The following PPARGC1A variants were observed in gnomAD, a reference collection of about 807,000 sequenced individuals.
The protein encoded by PPARGC1A is PPARG coactivator 1 alpha, also known as peroxisome proliferator-activated receptor gamma coactivator 1-alpha.
PPARGC1A carries 25 observed loss-of-function variants against 88.7 expected under a neutral mutation model. The observed-to-expected ratio is 0.28, with a 90% CI of 0.21 to 0.39. The LOEUF is 0.39. Among genes scored for constraint, PPARGC1A ranks in the 10% least tolerant of loss-of-function variants. PPARGC1A has a pLI of 1.00. For synonymous variants in PPARGC1A, 363 were observed against 355.6 expected (o/e 1.02, Z -0.24); for missense variants, 880 against 968.7 (o/e 0.91, Z 1.22).
the PPARGC1A span, among the ~76,000 whole-genome samples, chr4:24,267,628 G>T: frequency 4.1e-4 from 63 of 152,258 alleles, no homozygotes; most frequent in African/African-American, 1.5e-3. Context: ...AGCTTCATAG[G>T]CATGGTTCAC....
chr4:24,151,891 T>C, the PPARGC1A span, among the ~76,000 whole-genome samples: 7 of 152,190 alleles, frequency 4.6e-5, no homozygotes, highest in Non-Finnish European at 8.8e-5. Context: ...AATAATTGAA[T>C]AGTAGTTGAA....
At chr4:24,096,966 C>T in the PPARGC1A span, among the ~76,000 whole-genome samples, 1 of 152,156 alleles carries the variant, frequency 6.6e-6, no homozygotes, top group Admixed American at 6.5e-5. Context: ...CAGTGACTCA[C>T]TCCTATAATC....
the PPARGC1A span, among the ~76,000 whole-genome samples, chr4:23,986,857 A>T: frequency 3.3e-5 from 5 of 152,114 alleles, no homozygotes; most frequent in African/African-American, 1.2e-4. Flanking sequence ...GTTCAAAGAG[A>T]GAATTACAAA....
the PPARGC1A span, among the ~76,000 whole-genome samples, chr4:23,996,943 A>C: frequency 6.6e-6 from 1 of 152,194 alleles, no homozygotes; most frequent in Non-Finnish European, 1.5e-5. Context: ...TTGATCAATG[A>C]GTATTTGGTT....
intron 2 of PPARGC1A, among the ~76,000 whole-genome samples, chr4:23,849,909 G>T (rs147341572): frequency 6.6e-6 from 1 of 150,800 alleles, no homozygotes; most frequent in Middle Eastern, 3.2e-3. Flanking sequence ...CAGAATCCTC[G>T]CTGCACGGTA....
Position 23,794,559 on chromosome 4 carries a change from A to C in PPARGC1A, c.*1263T>G, listed in dbSNP as rs1577308290. On this transcript the variant is annotated 3_prime_UTR_variant, in exon 13 of 13. Transcript: ENST00000264867. The stretch of plus-strand genomic sequence containing the variant: ...TCAAATATATATAAGCAGTAAGTTC[A>C]GCTTCTAAATATGTTAGTGTACAAT... 1 of 152,562 alleles carries C rather than the reference A, an allele frequency of 6.6e-6. No homozygotes were observed. Among genetic ancestry groups the C allele is most frequent in the Non-Finnish European group, 1.5e-5 (1 of 68,022 alleles). 9.5% of individuals were successfully genotyped at this position (152,562 alleles called of 1,614,324 possible). A position where few individuals can be genotyped will look rare whatever the true frequency, so the allele number is the denominator to read the frequency against.
the PPARGC1A span, among the ~76,000 whole-genome samples, chr4:23,911,395 C>T: frequency 4.6e-5 from 7 of 152,234 alleles, no homozygotes; most frequent in African/African-American, 1.2e-4. Context: ...CAGGGGGCAG[C>T]GATGCGAACA....
chr4:23,906,767 G>A (rs1474415503), upstream of PPARGC1A, among the ~76,000 whole-genome samples: 1 of 151,986 alleles, frequency 6.6e-6, no homozygotes, highest in African/African-American at 2.4e-5. Context: ...CAGATATTTT[G>A]CAGCCCCTGC....
At chr4:24,123,264 C>A in the PPARGC1A span, among the ~76,000 whole-genome samples, 67 of 152,308 alleles carry the variant, frequency 4.4e-4, no homozygotes, top group African/African-American at 1.6e-3. Context: ...TAGTACCAAA[C>A]TACAGATGGG....
the PPARGC1A span, among the ~76,000 whole-genome samples, chr4:24,379,241 G>A: frequency 6.6e-6 from 1 of 152,182 alleles, no homozygotes; most frequent in African/African-American, 2.4e-5. Context: ...TACCATGGAT[G>A]TAGAGAGTAG....
At chr4:23,892,781 G>C (rs1045638673), upstream of PPARGC1A, among the ~76,000 whole-genome samples, 13 of 152,116 alleles carry the variant, frequency 8.5e-5, no homozygotes, top group Non-Finnish European at 1.8e-4. Context: ...GCACAGCCAT[G>C]TATCACAAGG....
At chr4:24,041,374 G>A in the PPARGC1A span, among the ~76,000 whole-genome samples, 3 of 152,282 alleles carry the variant, frequency 2.0e-5, no homozygotes, top group African/African-American at 4.8e-5. Context: ...AACAGTGATA[G>A]CTTTCCCTCT....
the PPARGC1A span, among the ~76,000 whole-genome samples, chr4:23,945,071 T>C: frequency 6.6e-6 from 1 of 152,164 alleles, no homozygotes; most frequent in African/African-American, 2.4e-5. Context: ...GGGGCTAGTA[T>C]GTATAAAGCC....
At chr4:24,091,205 A>C in the PPARGC1A span, among the ~76,000 whole-genome samples, 1 of 152,250 alleles carries the variant, frequency 6.6e-6, no homozygotes, top group Non-Finnish European at 1.5e-5. Flanking sequence ...TTAATTCAAG[A>C]AACTTTATTA....
chr4:24,363,402 C>G, the PPARGC1A span, among the ~76,000 whole-genome samples: 1 of 152,270 alleles, frequency 6.6e-6, no homozygotes, highest in East Asian at 1.9e-4. Context: ...TTTTAACATT[C>G]AGACTAGGAC....
the PPARGC1A span, among the ~76,000 whole-genome samples, chr4:24,020,821 A>G: frequency 2.0e-5 from 3 of 152,142 alleles, no homozygotes; most frequent in Non-Finnish European, 2.9e-5. Context: ...TTTTCTCCCC[A>G]CGGTGAGCAT....
the PPARGC1A span, among the ~76,000 whole-genome samples, chr4:24,471,050 C>T: frequency 1.3e-5 from 2 of 151,386 alleles, no homozygotes; most frequent in Non-Finnish European, 2.9e-5. This position sits in a 1 kb window ranked among gnomAD's most constrained non-coding sequence, Gnocchi z 5.4. Flanking sequence ...GCGAGCGCGG[C>T]GGGCAGCCCC....
chr4:23,844,427 A>T (rs1449453725), intron 2 of PPARGC1A, among the ~76,000 whole-genome samples: 8 of 128,344 alleles, frequency 6.2e-5, no homozygotes, highest in African/African-American at 2.4e-4. Flanking sequence ...ATAATATATT[A>T]TATATATTAT....
chr4:23,970,743 T>G, the PPARGC1A span, among the ~76,000 whole-genome samples: 1 of 152,202 alleles, frequency 6.6e-6, no homozygotes, highest in African/African-American at 2.4e-5. Flanking sequence ...ACTCACACCC[T>G]TTCTTCCTAC....
Sources: gnomAD v4.1 joint callset for allele counts (sites outside exome capture counted in the v4.1 genomes callset) on GRCh38, gnomAD v4.1.1 for gene constraint, Gnocchi (gnomAD v3.1) non-coding constraint, MANE v1.5 for transcripts, NCBI Gene and HGNC (gene_info 2026-07-23, HGNC 2026-07-21) for gene names.